The following CUBN variants were observed in gnomAD, a reference collection of about 807,000 sequenced individuals.
The protein encoded by CUBN is cubilin.
Under a neutral mutation model 405.3 loss-of-function variants are expected in CUBN, and 282 were observed. The observed-to-expected ratio is 0.70, with a 90% confidence interval of 0.63 to 0.77. The LOEUF (loss-of-function observed/expected upper bound fraction) is 0.77, where lower values mean the gene tolerates loss of function less well. Among genes scored for constraint, CUBN ranks in the 30% least tolerant of loss-of-function variants. The pLI, the probability that CUBN is intolerant of heterozygous loss-of-function variation, is 0.00. For missense variants in CUBN, 4,514 were observed against 4,475.2 expected, an observed-to-expected ratio of 1.01 and a Z score of -0.25; for synonymous variants, 1,684 against 1,617.0, an observed-to-expected ratio of 1.04 and a Z score of -0.99.
intron 28 of CUBN, among the ~76,000 whole-genome samples, chr10:17,007,610 G>C (rs1295788623): frequency 6.8e-6 from 1 of 146,686 alleles, no homozygotes; most frequent in Non-Finnish European, 1.5e-5. Flanking sequence ...GCACAGTTTA[G>C]AAAAGAGTCC....
intron 31 of CUBN, among the ~76,000 whole-genome samples, chr10:16,969,013 A>C (rs1356679361): frequency 6.6e-6 from 1 of 152,246 alleles, no homozygotes; most frequent in African/African-American, 2.4e-5. Context: ...TCACAATTTC[A>C]ATAGAAGTCA....
At chr10:16,896,905 C>G (rs544857473) in intron 54 of CUBN, among the ~76,000 whole-genome samples, 21 of 152,316 alleles carry the variant, frequency 1.4e-4, no homozygotes, top group African/African-American at 4.1e-4. Context: ...GTTCTATCTT[C>G]AAGTTCACTG....
At chr10:17,048,633 A>G (rs776701694) in intron 22 of CUBN, among the ~76,000 whole-genome samples, 4 of 152,134 alleles carry the variant, frequency 2.6e-5, no homozygotes, top group Non-Finnish European at 4.4e-5. Context: ...ATGCACCACC[A>G]TGCCCAGCAA....
intron 17 of CUBN, among the ~76,000 whole-genome samples, chr10:17,074,519 G>C (rs1835810329): frequency 6.6e-6 from 1 of 152,158 alleles, no homozygotes; most frequent in African/African-American, 2.4e-5. Flanking sequence ...TACATATTAA[G>C]CGCAAAGTAG....
intron 31 of CUBN, among the ~76,000 whole-genome samples, chr10:16,980,446 G>A (rs892343915): frequency 2.0e-5 from 3 of 152,180 alleles, no homozygotes; most frequent in Admixed American, 6.5e-5. Context: ...CAACCCAAAT[G>A]TGCATCAATG....
At chr10:16,917,537 G>C (rs184884904) in intron 45 of CUBN, among the ~76,000 whole-genome samples, 15 of 152,114 alleles carry the variant, frequency 9.9e-5, no homozygotes, top group Admixed American at 9.2e-4. Context: ...ACCTATTTTT[G>C]GGCCTCTGTT....
At chr10:16,914,911 G>A (rs1412031845) in intron 47 of CUBN, 121 bp downstream of exon 47, 20 of 856,764 alleles carry the variant, frequency 2.3e-5, no homozygotes, top group Non-Finnish European at 3.8e-5. Context: ...TTCTGATTAA[G>A]GTCCAAGAAA....
intron 35 of CUBN, among the ~76,000 whole-genome samples, chr10:16,948,038 G>C (rs570148690): frequency 1.3e-5 from 2 of 152,078 alleles, no homozygotes; most frequent in East Asian, 1.9e-4. Flanking sequence ...GTGAAACCTC[G>C]TCTCTACTAA....
chr10:16,914,303 A>G (rs1208935540), intron 47 of CUBN, among the ~76,000 whole-genome samples: 1 of 152,108 alleles, frequency 6.6e-6, no homozygotes, highest in Non-Finnish European at 1.5e-5. Context: ...ATGGTGGTTC[A>G]CACTTGCAGC....
intron 57 of CUBN, among the ~76,000 whole-genome samples, chr10:16,875,641 C>G (rs1840476642): frequency 1.3e-5 from 2 of 152,196 alleles, no homozygotes; most frequent in African/African-American, 4.8e-5. Context: ...GCAATCACTC[C>G]TTTTCACTTT....
rs527278305 is a variant in CUBN at position 17,044,187 on chromosome 10, A to G, written c.3673-204T>C. Among the ~76,000 whole-genome samples the G allele has an allele frequency of 4.9e-3, 724 of 146,888 alleles. 6 individuals are homozygous for G. The highest frequency in any genetic ancestry group is 0.017 in the African/African-American group (687 of 40,666). On this transcript the variant is annotated intron_variant, in intron 25 of 66. Transcript: ENST00000377833. ...TAAAATAAATTTATTTAATACATAT[A>G]TTTTTATATATGTATTCAACACATA...
Position 17,104,460 on chromosome 10 carries a change from G to T in CUBN, c.1376C>A (p.Thr459Lys). 6 of 1,613,996 alleles carry T rather than the reference G, an allele frequency of 3.7e-6. No homozygotes were observed. The highest frequency in any genetic ancestry group is 5.1e-6 in the Non-Finnish European group (6 of 1,180,002). Residue 459 changes from threonine (T) to lysine (K), a missense_variant, in exon 12 of 67, where the codon ACA becomes AAA. Thr to Lys is a moderately conservative substitution (Grantham distance 78, BLOSUM62 -1). Around this residue, in one of 5 missense-constraint regions of CUBN, gnomAD observed 1,448 missense variants for 1,388.0 expected, o/e 1.04. Coordinates refer to ENST00000377833, the MANE Select transcript of CUBN (RefSeq NM_001081.4). Reference protein sequence around the residue: ...DGVDSFSCECTRLWTGALCQV... With the variant: ...DGVDSFSCECKRLWTGALCQV... ...ACAGAGAGCTCCAGTCCAGAGACGT[G>T]TGCATTCACAACTGAAAGAATCAAC...
intron 65 of CUBN, among the ~76,000 whole-genome samples, chr10:16,830,600 A>C (rs1280277105): frequency 1.3e-5 from 2 of 152,190 alleles, no homozygotes; most frequent in African/African-American, 2.4e-5. Context: ...TATATGCCAG[A>C]ATGTGTTCAT....
Position 17,103,157 on chromosome 10 carries a change from A to G in CUBN, c.1498T>C (p.Cys500Arg). Residue 500 changes from cysteine (C) to arginine (R), a missense_variant, in exon 13 of 67, where the codon TGC (cysteine) becomes CGC (arginine). By Grantham distance (180) the Cys-to-Arg change is radical. Coordinates refer to ENST00000377833, the MANE Select transcript of CUBN (RefSeq NM_001081.4). Reference protein sequence around the residue: ...PDVGYVHDVNCFWVIKTEMGK... With the variant: ...PDVGYVHDVNRFWVIKTEMGK... ...ATTTCAGTTTTGATAACCCAGAAGC[A>G]GTTAACATCATGAACATAACCAACA... is the stretch of plus-strand genomic sequence containing the variant. 6.2e-7 allele frequency: 1 copy of G among 1,613,704 alleles called. No homozygotes were observed. Among genetic ancestry groups the G allele is most frequent in the East Asian group, 2.2e-5 (1 of 44,866 alleles).
At chr10:16,939,334 C>T (rs1420223436) in intron 37 of CUBN, among the ~76,000 whole-genome samples, 187 bp from the exon 38 acceptor site, 1 of 152,116 alleles carries the variant, frequency 6.6e-6, no homozygotes, top group Non-Finnish European at 1.5e-5. Flanking sequence ...AGAAAAGGTC[C>T]TTAAAACGTT....
intron 51 of CUBN, among the ~76,000 whole-genome samples, chr10:16,903,395 T>C (rs1430340984): frequency 6.6e-6 from 1 of 151,998 alleles, no homozygotes. Flanking sequence ...ATTCCTTCTG[T>C]TCAATATTCG....
intron 29 of CUBN, among the ~76,000 whole-genome samples, chr10:16,990,014 G>A (rs1354929177): frequency 1.3e-5 from 2 of 152,226 alleles, no homozygotes; most frequent in Non-Finnish European, 1.5e-5. Context: ...GGTCCCAGCG[G>A]ATGGAGCCCA....
chr10:16,905,974 T>C (rs1564415641), intron 50 of CUBN, among the ~76,000 whole-genome samples: 1 of 152,028 alleles, frequency 6.6e-6, no homozygotes, highest in Non-Finnish European at 1.5e-5. Flanking sequence ...ATTAGTTGTA[T>C]GTGGTGATGT....
In CUBN at chr10:16,920,000, G is replaced by A. The variant is rs376017039; in HGVS notation, c.6784C>T (p.Gln2262Ter). 3.1e-6 allele frequency: 5 copies of A among 1,613,734 alleles called. No individual in the cohort carries two copies. In the African/African-American group the frequency reaches 5.3e-5, roughly 17 times the overall value. Reference protein sequence around the residue: ...AAPPETRIQLQFEDRFDIEVT... With the variant: ...AAPPETRIQL ...TCAATATCGAATCGATCTTCAAATTGCAGCTGTATGCGTGTTTCCGGTGGA... is the reference window on the plus strand; with the variant it reads ...TCAATATCGAATCGATCTTCAAATTACAGCTGTATGCGTGTTTCCGGTGGA... The change falls in exon 44 of 67, where the codon CAA (glutamine) becomes TAA (stop). Residue 2262 changes from glutamine to a stop codon, truncating the protein, a stop_gained. Coordinates refer to ENST00000377833, the MANE Select transcript of CUBN (RefSeq NM_001081.4). LOFTEE classifies it high-confidence loss of function.
Sources: allele counts gnomAD v4.1 joint callset (sites outside exome capture counted in the v4.1 genomes callset), GRCh38; gene constraint gnomAD v4.1.1; regional missense constraint gnomAD v4.1.1; transcripts MANE v1.5; gene names NCBI Gene and HGNC (gene_info 2026-07-23, HGNC 2026-07-21).